Variants in ADAP1 observed in about 807,000 individuals in gnomAD.
The protein encoded by ADAP1 is arf-GAP with dual PH domain-containing protein 1.
Under a neutral mutation model 54.9 loss-of-function variants are expected in ADAP1, and 31 were observed. The ratio of observed to expected loss-of-function variants is 0.56; its 90% CI spans 0.42 to 0.76. ADAP1 has a LOEUF of 0.76. ADAP1 is among the 30% of genes least tolerant of loss of function. The pLI is 0.00. For missense variants in ADAP1, 535 were observed against 512.4 expected, an observed-to-expected ratio of 1.04 and a Z score of -0.42; for synonymous variants, 313 against 202.6, an observed-to-expected ratio of 1.55 and a Z score of -4.63.
At chr7:919,554 G>C (rs1237278118) in intron 4 of ADAP1, among the ~76,000 whole-genome samples, 1 of 138,646 alleles carries the variant, frequency 7.2e-6, no homozygotes, top group Non-Finnish European at 1.6e-5. Context: ...GAGAGGGAGA[G>C]ACAGAGATAG....
At chr7:919,357 C>T (rs1846067171) in intron 4 of ADAP1, among the ~76,000 whole-genome samples, 1 of 152,144 alleles carries the variant, frequency 6.6e-6, no homozygotes, top group Non-Finnish European at 1.5e-5. Context: ...CCAGCCACGG[C>T]CCCACGAGGT....
chr7:904,435 G>C (rs1844990095), intron 5 of ADAP1, among the ~76,000 whole-genome samples, 163 bp from the exon 6 acceptor site: 1 of 152,212 alleles, frequency 6.6e-6, no homozygotes, highest in South Asian at 2.1e-4. Flanking sequence ...TCTGTAAGCA[G>C]AAGGTAACAG....
intron 1 of ADAP1, among the ~76,000 whole-genome samples, chr7:939,340 C>T (rs1406906628): frequency 1.3e-5 from 2 of 152,038 alleles, no homozygotes; most frequent in African/African-American, 4.8e-5. Context: ...CTGCTTCAGC[C>T]TCCCGAGTAG....
intron 6 of ADAP1, chr7:901,188 C>T (rs979047863): frequency 8.2e-6 from 3 of 364,914 alleles, no homozygotes; most frequent in African/African-American, 4.3e-5. Context: ...ACAGAGGGCC[C>T]ATAGCCCAGG....
chr7:922,743 CTCACCCAGAT>C (rs1414280024), intron 3 of ADAP1, among the ~76,000 whole-genome samples: 1 of 152,140 alleles, frequency 6.6e-6, no homozygotes, highest in Admixed American at 6.5e-5. Context: ...GGACCAGTGG[CTCACCCAGAT>C]GGGTTTTTTC....
At chr7:902,517 C>T (rs1306631279) in intron 6 of ADAP1, among the ~76,000 whole-genome samples, 1 of 130,070 alleles carries the variant, frequency 7.7e-6, no homozygotes, top group Non-Finnish European at 1.6e-5. Context: ...GAACCAAAGG[C>T]TCTCTGAAAA....
rs1488569419 is a variant in ADAP1 at position 899,258 on chromosome 7, C to T, written c.871G>A (p.Ala291Thr). ...ATGAAGACTTCCCCTCGGGCGAAGG[C>T]GTCCTGTGGGTGGGGACCGCACTGG... ...RLMYFKDPLDAFARGEVFIGS... is the reference protein window; with the variant it reads ...RLMYFKDPLDTFARGEVFIGS... Residue 291 changes from alanine (A) to threonine (T), a missense_variant, in exon 10 of 11, where the codon GCC becomes ACC. Coordinates refer to ENST00000265846, the MANE Select transcript of ADAP1 (RefSeq NM_006869.4). The T allele has an allele frequency of 7.4e-6, 12 of 1,612,594 alleles. No individual in the cohort carries two copies. The highest frequency in any genetic ancestry group is 2.7e-5 in the African/African-American group (2 of 74,946).
At chr7:941,699 C>T (rs1846943605) in intron 1 of ADAP1, among the ~76,000 whole-genome samples, 1 of 152,188 alleles carries the variant, frequency 6.6e-6, no homozygotes, top group Admixed American at 6.5e-5. Context: ...GGAGACTCAA[C>T]ATTAATAACA....
In ADAP1 at chr7:912,725, C is replaced by G. The variant is rs138781613; in HGVS notation, c.388+7243G>C. On this transcript the variant is annotated intron_variant, in intron 4 of 10. Transcript: ENST00000265846. The stretch of plus-strand genomic sequence containing the variant: ...CTCTTGCATTTATTTTATTTTGATA[C>G]GGAATCTCGCTGTTGCCCAGGCTGG... 5.3e-5 allele frequency among the ~76,000 whole-genome samples: 8 copies of G among 152,306 alleles called. No homozygotes were observed. The East Asian group carries it at 1.5e-3, about 29-fold the overall frequency.
intron 1 of ADAP1, among the ~76,000 whole-genome samples, chr7:947,775 C>T (rs947664200): frequency 2.6e-5 from 4 of 152,040 alleles, no homozygotes; most frequent in Non-Finnish European, 5.9e-5. Context: ...CCCTGTGACG[C>T]GTCGTGGGCT....
chr7:942,926 AGG>A (rs764186582), intron 1 of ADAP1, among the ~76,000 whole-genome samples: 129 of 9,790 alleles, frequency 0.013, 2 homozygotes, highest in African/African-American at 0.058. Flanking sequence ...AGGAGGAGGA[AGG>A]GAGTGAGGAG....
intron 4 of ADAP1, 79 bp downstream of exon 4, chr7:919,889 G>C (rs1846116739): frequency 1.7e-5 from 15 of 888,620 alleles, no homozygotes; most frequent in Non-Finnish European, 2.4e-5. Flanking sequence ...ATGGGGGAGG[G>C]AGGGAAAGAG....
chr7:951,918 C>T (rs186319515), intron 1 of ADAP1, among the ~76,000 whole-genome samples: 130 of 152,320 alleles, frequency 8.5e-4, no homozygotes, highest in African/African-American at 3.0e-3. Context: ...CCTCCGGCCT[C>T]GGCCTCCCAA....
intron 1 of ADAP1, among the ~76,000 whole-genome samples, chr7:936,472 G>A (rs759313662): frequency 3.3e-5 from 5 of 152,226 alleles, no homozygotes; most frequent in African/African-American, 4.8e-5. Flanking sequence ...GATGACAGGC[G>A]TGAGCCACTG....
chr7:900,255 C>T lies in ADAP1; in HGVS notation c.733-91G>A, dbSNP rs368351257. The stretch of plus-strand genomic sequence containing the variant: ...GTGCCCCTCTGTGCTCCCCTCACCC[C>T]GGGCCACCAGGTCAGGGCCCAGGCC... On this transcript the variant is annotated intron_variant, in intron 7 of 10. Coordinates refer to ENST00000265846, the MANE Select transcript of ADAP1 (RefSeq NM_006869.4). 269 of 1,506,540 alleles carry T rather than the reference C, an allele frequency of 1.8e-4. 1 individual carries two copies. The highest frequency in any genetic ancestry group is 2.2e-4 in the Non-Finnish European group (241 of 1,089,682). 93.3% of individuals were successfully genotyped at this position (1,506,540 alleles called of 1,614,324 possible).
chr7:911,973 T>G lies in ADAP1; in HGVS notation c.389-6801A>C, dbSNP rs1583147232. On this transcript the variant is annotated intron_variant, in intron 4 of 10. Coordinates refer to ENST00000265846, the MANE Select transcript of ADAP1 (RefSeq NM_006869.4). ...GTCCCCTCATGGGCCACGTAAAGCC[T>G]CGCGCTGCCTGCGAGGAACGGCTGG... 2.0e-5 allele frequency among the ~76,000 whole-genome samples: 3 copies of G among 152,142 alleles called. No individual in the cohort carries two copies. In the Middle Eastern group the frequency reaches 0.01, roughly 517 times the overall value.
chr7:899,562 C>A (rs776134623), intron 8 of ADAP1, 72 bp from the exon 9 acceptor site: 90 of 1,524,422 alleles, frequency 5.9e-5, no homozygotes, highest in South Asian at 2.3e-4. Context: ...CCACAGCACA[C>A]CCCGGAGGGC....
chr7:955,400 T>G, upstream of ADAP1: 1 of 1,550,034 alleles, frequency 6.5e-7, no homozygotes, highest in Non-Finnish European at 8.7e-7. Flanking sequence ...GAAAACAAAC[T>G]GGAACATACC....
At chr7:930,903 C>G (rs1289722546) in intron 2 of ADAP1, among the ~76,000 whole-genome samples, 2 of 150,344 alleles carry the variant, frequency 1.3e-5, no homozygotes, top group Non-Finnish European at 3.0e-5. Flanking sequence ...TCACTTGAGC[C>G]TGAAAGTTCA....
Sources: gnomAD v4.1 joint callset for allele counts (sites outside exome capture counted in the v4.1 genomes callset) on GRCh38, gnomAD v4.1.1 for gene constraint, MANE v1.5 for transcripts, NCBI Gene and HGNC (gene_info 2026-07-23, HGNC 2026-07-21) for gene names.